Variants in SLC4A4 observed in about 807,000 individuals in gnomAD.
SLC4A4 encodes the protein solute carrier family 4 member 4, also known as electrogenic sodium bicarbonate cotransporter 1.
A neutral mutation model predicts 111.5 loss-of-function variants in SLC4A4; 27 were observed. The observed-to-expected ratio is 0.24, with a 90% CI of 0.18 to 0.33. The LOEUF (loss-of-function observed/expected upper bound fraction) is 0.33. Ranked by LOEUF, SLC4A4 falls within the 10% of genes least tolerant of loss-of-function variation. The pLI, the probability that SLC4A4 is intolerant of heterozygous loss-of-function variation, is 1.00. For missense variants in SLC4A4, 909 were observed against 1,315.5 expected (o/e 0.69, Z 4.78); for synonymous variants, 443 against 463.4 (o/e 0.96, Z 0.57).
chr4:71,079,822 G>A (rs1741945189), intron 1 of SLC4A4, among the ~76,000 whole-genome samples: 1 of 151,946 alleles, frequency 6.6e-6, no homozygotes, highest in Admixed American at 6.6e-5. Context: ...TGCTGATAGA[G>A]GCCAGGCTGC....
intron 3 of SLC4A4, among the ~76,000 whole-genome samples, chr4:71,294,766 G>A (rs575942083): frequency 6.6e-5 from 10 of 152,224 alleles, no homozygotes; most frequent in Admixed American, 1.3e-4. Context: ...GTAAACTTTC[G>A]GACTTGCTGC....
At chr4:71,068,508 A>G (rs1741587475) in intron 1 of SLC4A4, among the ~76,000 whole-genome samples, 1 of 151,724 alleles carries the variant, frequency 6.6e-6, no homozygotes, top group Non-Finnish European at 1.5e-5. Flanking sequence ...GATAACCACT[A>G]GTCTGATTTT....
chr4:71,436,063 T>C (rs1480961401), intron 7 of SLC4A4, among the ~76,000 whole-genome samples: 1 of 152,214 alleles, frequency 6.6e-6, no homozygotes, highest in African/African-American at 2.4e-5. Context: ...ATTGGGTATA[T>C]ACCCAAAAGA....
At chr4:71,379,204 A>G (rs1393283760) in intron 6 of SLC4A4, among the ~76,000 whole-genome samples, 1 of 152,176 alleles carries the variant, frequency 6.6e-6, no homozygotes, top group Non-Finnish European at 1.5e-5. Context: ...TATCATTTTT[A>G]AACTCAGGTT....
In SLC4A4 at chr4:71,482,572, T is replaced by A. The variant is rs552035205; in HGVS notation, c.1904-4376T>A. Among the ~76,000 whole-genome samples, 3 of 151,748 alleles carry A rather than the reference T, an allele frequency of 2.0e-5. No homozygotes were observed. In the South Asian group the frequency reaches 6.2e-4, roughly 31 times the overall value. Reference sequence around the variant, plus strand: ...TTTCCTCCTCAGTCTTTACTCCTTGTTTTTATGCAGAAAAGTGTGTTGCAA... The same window carrying A: ...TTTCCTCCTCAGTCTTTACTCCTTGATTTTATGCAGAAAAGTGTGTTGCAA... On this transcript the variant is annotated intron_variant, in intron 14 of 25. Coordinates refer to ENST00000264485, the MANE Select transcript of SLC4A4 (RefSeq NM_001098484.3).
At chr4:71,408,525 T>A (rs1318350812) in intron 7 of SLC4A4, among the ~76,000 whole-genome samples, 1 of 152,204 alleles carries the variant, frequency 6.6e-6, no homozygotes, top group Non-Finnish European at 1.5e-5. Context: ...TCTTTTAAAT[T>A]TGCATTGTTA....
At chr4:71,505,363 T>C (rs1169824722) in intron 16 of SLC4A4, among the ~76,000 whole-genome samples, 2 of 152,074 alleles carry the variant, frequency 1.3e-5, no homozygotes, top group Non-Finnish European at 2.9e-5. Flanking sequence ...CATCTGCTAT[T>C]TTTTGACCTT....
chr4:71,537,562 TCCAGCTCTAAAC>T (rs1734666566), intron 18 of SLC4A4, among the ~76,000 whole-genome samples: 1 of 152,048 alleles, frequency 6.6e-6, no homozygotes, highest in Non-Finnish European at 1.5e-5. Flanking sequence ...TAATGTGAAT[TCCAGCTCTAAAC>T]CCAATTGTAG....
At chr4:71,340,671 C>G (rs1057042171) in intron 4 of SLC4A4, among the ~76,000 whole-genome samples, 1 of 152,012 alleles carries the variant, frequency 6.6e-6, no homozygotes, top group Admixed American at 6.6e-5. Flanking sequence ...TTTAGAGGCC[C>G]GAGTTTACTT....
rs868699195 is a variant in SLC4A4, at chr4:71,188,209, C to G, written c.-2+808C>G. ...CAAACCGCAGCAAGCACCATAAAGA[C>G]AAAAGTTCTTATAGAACAAAAAGAA... On this transcript the variant is annotated intron_variant, in intron 1 of 25. Coordinates refer to ENST00000264485, the MANE Select transcript of SLC4A4 (RefSeq NM_001098484.3). Among the ~76,000 whole-genome samples the G allele has an allele frequency of 1.2e-4, 18 of 152,300 alleles. 1 individual carries two copies. The highest frequency in any genetic ancestry group is 6.8e-3 in the Middle Eastern group (2 of 294).
At chr4:71,362,706 T>C (rs1418940956) in intron 6 of SLC4A4, among the ~76,000 whole-genome samples, 3 of 152,174 alleles carry the variant, frequency 2.0e-5, no homozygotes, top group Admixed American at 6.5e-5. Flanking sequence ...GTTCCCTTCA[T>C]TGGTTTTATC....
intron 3 of SLC4A4, among the ~76,000 whole-genome samples, chr4:71,337,603 G>A (rs772724298): frequency 2.6e-5 from 4 of 152,094 alleles, no homozygotes; most frequent in Non-Finnish European, 5.9e-5. Flanking sequence ...TAGAATGAAT[G>A]TATTTCTAGT....
chr4:71,435,907 A>G (rs958908062), intron 7 of SLC4A4, among the ~76,000 whole-genome samples: 1 of 152,214 alleles, frequency 6.6e-6, no homozygotes, highest in African/African-American at 2.4e-5. Flanking sequence ...GTCAGGAAAC[A>G]ACAGGTGCTG....
At chr4:71,453,732 G>A (rs1725970035) in intron 12 of SLC4A4, 63 bp downstream of exon 12, 4 of 1,487,176 alleles carry the variant, frequency 2.7e-6, no homozygotes, top group South Asian at 1.1e-5. Flanking sequence ...CACCCCTACA[G>A]CTCAGTTAGA....
At chr4:71,496,860 C>CAA (rs915001712) in intron 15 of SLC4A4, among the ~76,000 whole-genome samples, 1 of 151,954 alleles carries the variant, frequency 6.6e-6, no homozygotes, top group African/African-American at 2.4e-5. Flanking sequence ...ACAGCACATA[C>CAA]AAAGAACAGA....
At chr4:71,353,827 C>T (rs371248456) in intron 5 of SLC4A4, among the ~76,000 whole-genome samples, 1 of 152,158 alleles carries the variant, frequency 6.6e-6, no homozygotes, top group Non-Finnish European at 1.5e-5. Flanking sequence ...CACCTGCTAC[C>T]CCTCACCAGC....
At chr4:71,466,960 AGAGAGG>A (rs781459286) in intron 13 of SLC4A4, among the ~76,000 whole-genome samples, 251 of 110,748 alleles carry the variant, frequency 2.3e-3, no homozygotes, top group Middle Eastern at 4.8e-3. Flanking sequence ...AGAGAGAGAG[AGAGAGG>A]GAGAGAGAGA....
At chr4:71,163,435 G>A (rs1245291115) in intron 2 of SLC4A4, among the ~76,000 whole-genome samples, 1 of 152,110 alleles carries the variant, frequency 6.6e-6, no homozygotes, top group Non-Finnish European at 1.5e-5. Context: ...TCTTTGGTCT[G>A]TTTTCTTCTG....
intron 1 of SLC4A4, chr4:71,233,182 G>GT: frequency 2.7e-6 from 2 of 748,434 alleles, no homozygotes; most frequent in Non-Finnish European, 3.3e-6. Flanking sequence ...CTTGCTCACT[G>GT]TAACTCTAGT....
Sources: gnomAD v4.1 joint callset for allele counts (sites outside exome capture counted in the v4.1 genomes callset) on GRCh38, gnomAD v4.1.1 for gene constraint, MANE v1.5 for transcripts, NCBI Gene and HGNC (gene_info 2026-07-23, HGNC 2026-07-21) for gene names.